Variants in ITCH observed in about 807,000 individuals in gnomAD.
ITCH encodes the protein itchy E3 ubiquitin protein ligase, also known as E3 ubiquitin-protein ligase Itchy homolog.
In ITCH, 28 loss-of-function variants were observed where a neutral mutation model predicts 126.8. The observed-to-expected ratio is 0.22, with a 90% CI of 0.16 to 0.30. ITCH has a LOEUF of 0.30. ITCH is among the 10% of genes least tolerant of loss of function. The pLI is 1.00. For synonymous variants in ITCH, 342 were observed against 340.0 expected (o/e 1.01, Z -0.06); for missense variants, 631 against 1,032.4 (o/e 0.61, Z 5.33).
chr20:34,408,528 A>G lies in ITCH; in HGVS notation c.71-123A>G, dbSNP rs567256536. The G allele has an allele frequency of 8.5e-4, 751 of 883,758 alleles. 8 individuals carry two copies. The highest frequency in any genetic ancestry group is 6.5e-3 in the South Asian group (436 of 66,610). 54.7% of individuals were successfully genotyped at this position (883,758 alleles called of 1,614,324 possible). On this transcript the variant is annotated intron_variant, in intron 3 of 24. Transcript: ENST00000374864. ...TTATGAGTGAATAAAATTGGTAAGT[A>G]TTTTAGAGCAAAACTGCTTCTCTGA... is the stretch of plus-strand genomic sequence containing the variant.
intron 2 of ITCH, among the ~76,000 whole-genome samples, chr20:34,387,656 G>C (rs919929078): frequency 6.7e-6 from 1 of 149,892 alleles, no homozygotes; most frequent in African/African-American, 2.4e-5. Context: ...GAGTTTCTTT[G>C]TAACTGACAG....
chr20:34,417,919 C>T (rs1033395246), intron 6 of ITCH, among the ~76,000 whole-genome samples: 3 of 150,370 alleles, frequency 2.0e-5, no homozygotes, highest in African/African-American at 7.3e-5. Context: ...TTGCCAAAGA[C>T]TAATACTAGT....
intron 12 of ITCH, among the ~76,000 whole-genome samples, chr20:34,454,192 C>CA (rs1421610658): frequency 2.0e-5 from 3 of 147,998 alleles, no homozygotes; most frequent in African/African-American, 7.4e-5. Flanking sequence ...GGCTGGAGTG[C>CA]AGTGGCGCGA....
chr20:34,487,340 A>G lies in ITCH; in HGVS notation c.2094-1926A>G, dbSNP rs1317051099. Among the ~76,000 whole-genome samples, 13 of 152,126 alleles carry G rather than the reference A, an allele frequency of 8.5e-5. No individual in the cohort carries two copies. The East Asian group carries it at 2.1e-3, about 25-fold the overall frequency. On this transcript the variant is annotated intron_variant, in intron 20 of 24. Transcript: ENST00000374864. ...TCTTATTTTTATCCTGATAATCTCT[A>G]CTTTATAATTGGAGTGTTCAGTACA...
chr20:34,510,346 G>GT lies in ITCH; in HGVS notation c.*2553dup, dbSNP rs1291175742. On this transcript the variant is annotated 3_prime_UTR_variant, in exon 25 of 25. Coordinates refer to ENST00000374864, the MANE Select transcript of ITCH (RefSeq NM_031483.7). ...CTGAACATATGGAAATAGATTTATTGTAAGTATTTACTTAGAGCTTTTTCT... is the reference window on the plus strand; with the variant it reads ...CTGAACATATGGAAATAGATTTATTGTTAAGTATTTACTTAGAGCTTTTTCT... The GT allele has an allele frequency of 6.6e-6, 1 of 150,464 alleles. No individual in the cohort carries two copies. Among genetic ancestry groups the GT allele is most frequent in the Non-Finnish European group, 1.5e-5 (1 of 67,716 alleles). 9.3% of individuals were successfully genotyped at this position (150,464 alleles called of 1,614,324 possible). A position where few individuals can be genotyped will look rare whatever the true frequency, so the allele number is the denominator to read the frequency against.
intron 14 of ITCH, among the ~76,000 whole-genome samples, chr20:34,469,744 G>A (rs970504249): frequency 4.3e-4 from 65 of 152,244 alleles, no homozygotes; most frequent in African/African-American, 1.4e-3. Flanking sequence ...AATTGATGTT[G>A]GGATAGACAG....
intron 22 of ITCH, 43 bp from the exon 23 acceptor site, chr20:34,492,458 G>A: frequency 2.6e-6 from 3 of 1,164,248 alleles, no homozygotes; most frequent in Non-Finnish European, 3.9e-6. Context: ...TGTGCTGAAT[G>A]TAACATATGA....
intron 13 of ITCH, among the ~76,000 whole-genome samples, chr20:34,458,090 G>T (rs1986189020): frequency 6.6e-6 from 1 of 152,144 alleles, no homozygotes; most frequent in African/African-American, 2.4e-5. Context: ...CACTGGTTAA[G>T]AATCTAGGGT....
chr20:34,430,401 T>G (rs1982122583), intron 7 of ITCH, among the ~76,000 whole-genome samples: 1 of 151,974 alleles, frequency 6.6e-6, no homozygotes, highest in Non-Finnish European at 1.5e-5. Context: ...CAGATGGAGG[T>G]TTGCAAGTAA....
intron 13 of ITCH, among the ~76,000 whole-genome samples, chr20:34,460,352 C>CTTTT (rs749083015): frequency 3.7e-5 from 4 of 108,966 alleles, no homozygotes; most frequent in Non-Finnish European, 5.8e-5. Context: ...CCACACCCAG[C>CTTTT]TTTTTTTTTT....
At chr20:34,481,045 G>T in intron 19 of ITCH, 21 bp from the exon 20 acceptor site, 1 of 1,611,616 alleles carries the variant, frequency 6.2e-7, no homozygotes, top group East Asian at 2.2e-5. Context: ...ATAACAAATA[G>T]TGCTAATTTC....
At chr20:34,372,220 G>A (rs1238049340) in intron 2 of ITCH, among the ~76,000 whole-genome samples, 2 of 148,894 alleles carry the variant, frequency 1.3e-5, no homozygotes, top group African/African-American at 2.5e-5. Flanking sequence ...CAGGAGAATG[G>A]TGTGAACCTG....
At chr20:34,447,704 T>C (rs1235388427) in intron 11 of ITCH, among the ~76,000 whole-genome samples, 1 of 152,214 alleles carries the variant, frequency 6.6e-6, no homozygotes, top group Admixed American at 6.5e-5. Context: ...TCAGACCTTT[T>C]GTAGTGTTTC....
rs562287208 is a variant in ITCH, at chr20:34,412,951, C to T, written c.337+312C>T. On this transcript the variant is annotated intron_variant, in intron 5 of 24. Transcript: ENST00000374864. ...AGATGAAAGAAAAAAATAAAAATCC[C>T]ACTTCAGAGACAAATCAAATGAATA... is the stretch of plus-strand genomic sequence containing the variant. Among the ~76,000 whole-genome samples, 2 of 151,638 alleles carry T rather than the reference C, an allele frequency of 1.3e-5. 1 individual carries two copies. Among genetic ancestry groups the T allele is most frequent in the South Asian group, 4.2e-4 (2 of 4,806 alleles).
intron 7 of ITCH, among the ~76,000 whole-genome samples, chr20:34,435,789 A>G (rs1396287312): frequency 6.6e-6 from 1 of 152,194 alleles, no homozygotes. Flanking sequence ...TGAAACTACT[A>G]GGGAAAGTAG....
At chr20:34,439,060 C>G (rs1983402658) in intron 8 of ITCH, among the ~76,000 whole-genome samples, 1 of 152,126 alleles carries the variant, frequency 6.6e-6, no homozygotes, top group Admixed American at 6.5e-5. Flanking sequence ...ACACAACAAA[C>G]AAGCATATTT....
At chr20:34,502,033 T>A (rs940659734) in intron 23 of ITCH, among the ~76,000 whole-genome samples, 24 of 152,134 alleles carry the variant, frequency 1.6e-4, no homozygotes, top group Admixed American at 1.6e-3. Context: ...TAAAAAAGCC[T>A]CGGAGACCAT....
rs1183091865 is a variant in ITCH, at chr20:34,511,047, C to T, written c.*3253C>T. The T allele has an allele frequency of 6.6e-6, 1 of 152,172 alleles. No homozygotes were observed. 9.4% of individuals were successfully genotyped at this position (152,172 alleles called of 1,614,324 possible). On this transcript the variant is annotated 3_prime_UTR_variant, in exon 25 of 25. Coordinates refer to ENST00000374864, the MANE Select transcript of ITCH (RefSeq NM_031483.7). Reference sequence around the variant, plus strand: ...TTTTTCCTCTATTTTTATATCCTTTCCTGTTGTGGATGTAACTTACCTTTC... The same window carrying T: ...TTTTTCCTCTATTTTTATATCCTTTTCTGTTGTGGATGTAACTTACCTTTC...
chr20:34,366,289 G>C (rs1268933589), intron 1 of ITCH, among the ~76,000 whole-genome samples: 1 of 152,126 alleles, frequency 6.6e-6, no homozygotes, highest in African/African-American at 2.4e-5. Context: ...CAGTCACGCA[G>C]GATGGAGTGC....
Sources: allele counts gnomAD v4.1 joint callset (sites outside exome capture counted in the v4.1 genomes callset), GRCh38; gene constraint gnomAD v4.1.1; transcripts MANE v1.5; gene names NCBI Gene and HGNC (gene_info 2026-07-23, HGNC 2026-07-21).